Variants in OTOF observed in about 807,000 individuals in gnomAD.
OTOF encodes fer-1-like family member 2.
Under a neutral mutation model 236.8 loss-of-function variants are expected in OTOF, and 218 were observed. The observed-to-expected ratio is 0.92, with a 90% confidence interval of 0.82 to 1.03. The LOEUF (loss-of-function observed/expected upper bound fraction) is 1.03, where lower values mean the gene tolerates loss of function less well. OTOF is among the 50% of genes least tolerant of loss of function. The pLI is 0.00. For missense variants in OTOF, 2,590 were observed against 2,694.4 expected (o/e 0.96, Z 0.86); for synonymous variants, 1,041 against 1,072.5 (o/e 0.97, Z 0.57).
chr2:26,548,572 C>T (rs1043984485), intron 1 of OTOF, among the ~76,000 whole-genome samples: 2 of 152,164 alleles, frequency 1.3e-5, no homozygotes, highest in African/African-American at 4.8e-5. Flanking sequence ...ATTCATGCAC[C>T]ACATAACACC....
intron 1 of OTOF, among the ~76,000 whole-genome samples, chr2:26,554,684 G>A (rs1306816924): frequency 6.6e-6 from 1 of 151,888 alleles, no homozygotes. Flanking sequence ...TATGATCGAT[G>A]TCTCAAAGTT....
chr2:26,502,200 T>C (rs1666129591), intron 7 of OTOF, 100 bp downstream of exon 7: 3 of 1,306,146 alleles, frequency 2.3e-6, no homozygotes, highest in Non-Finnish European at 3.3e-6. Flanking sequence ...AAGCCGTCCA[T>C]GAGCCCTGAT....
In OTOF at chr2:26,464,850, G is replaced by A; in HGVS notation, c.4960+19C>T. ...CCCCCTGGAGAGGGGGCAGGCGGCTGCATCCAGTGCCCCATTACCGTTCTC... is the reference window on the plus strand; with the variant it reads ...CCCCCTGGAGAGGGGGCAGGCGGCTACATCCAGTGCCCCATTACCGTTCTC... On this transcript the variant is annotated intron_variant, in intron 39 of 46. Coordinates refer to ENST00000272371, the MANE Select transcript of OTOF (RefSeq NM_194248.3). 1 of 1,598,688 alleles carries A rather than the reference G, an allele frequency of 6.3e-7. No homozygotes were observed.
chr2:26,541,842 G>C (rs1264284100), intron 1 of OTOF, among the ~76,000 whole-genome samples: 1 of 152,194 alleles, frequency 6.6e-6, no homozygotes, highest in Non-Finnish European at 1.5e-5. Flanking sequence ...TGCATGGAAA[G>C]GCTGTTGTGG....
rs1165574806 is a variant in OTOF at position 26,477,489 on chromosome 2, G to T, written c.2333C>A (p.Ala778Asp). ...GGATGAGTGGCCCTGGTCCTTGTCAGCGAGGGAGAGGAAGCGGCTGGGGGT... is the reference window on the plus strand; with the variant it reads ...GGATGAGTGGCCCTGGTCCTTGTCATCGAGGGAGAGGAAGCGGCTGGGGGT... ...SCGCCRFLSL[A>D]DKDQGHSSRT... The change falls in exon 20 of 47, where the codon GCT becomes GAT. Residue 778 changes from alanine (A) to aspartate (D), a missense_variant. Physicochemically the swap from Ala to Asp is moderately radical, Grantham distance 126. Coordinates refer to ENST00000272371, the MANE Select transcript of OTOF (RefSeq NM_194248.3). This position sits in a 1 kb window ranked among gnomAD's most constrained non-coding sequence, Gnocchi z 4.7. The T allele has an allele frequency of 1.2e-6, 2 of 1,603,652 alleles. No homozygotes were observed. The highest frequency in any genetic ancestry group is 1.7e-6 in the Non-Finnish European group (2 of 1,175,896).
chr2:26,476,793 G>A (rs1665318348), intron 22 of OTOF, 98 bp downstream of exon 22: 2 of 1,089,588 alleles, frequency 1.8e-6, no homozygotes, highest in Non-Finnish European at 2.7e-6. Context: ...CCTGCTGCTT[G>A]AAGGCCCCAC....
rs144422709 is a variant in OTOF, at chr2:26,463,984, C to T, written c.5083G>A (p.Asp1695Asn). 108 of 1,613,802 alleles carry T rather than the reference C, an allele frequency of 6.7e-5. 1 individual carries two copies. The African/African-American group carries it at 9.5e-4, about 14-fold the overall frequency. Residue 1695 changes from aspartate (D) to asparagine (N), a missense_variant, in exon 40 of 47, where the codon GAC (aspartate) becomes AAC (asparagine). Physicochemically the swap from Asp to Asn is conservative, Grantham distance 23 (BLOSUM62 1). This residue lies in a region of OTOF where 1,211 missense variants were observed against 1,352.8 expected (regional missense o/e 0.90). Coordinates refer to ENST00000272371, the MANE Select transcript of OTOF (RefSeq NM_194248.3). ...HVETRPLLNPDKPGIEQGRLE... is the reference protein window; with the variant it reads ...HVETRPLLNPNKPGIEQGRLE... ...GTCACCTGCTCGATGCCCGGCTTGT[C>T]GGGGTTGAGCAGCGGCCTCGTCTCC...
chr2:26,466,716 G>A lies in OTOF; in HGVS notation c.4498C>T (p.Arg1500Trp), dbSNP rs751160022. ...AGGGAAAGCGACGGGAGTCTCACCCGGACCACATAGACTCGGACCAGCACA... is the reference window on the plus strand; with the variant it reads ...AGGGAAAGCGACGGGAGTCTCACCCAGACCACATAGACTCGGACCAGCACA... Reference protein sequence around the residue: ...INVLVRVYVVRATDLHPADIN... With the variant: ...INVLVRVYVVWATDLHPADIN... Residue 1500 changes from arginine (R) to tryptophan (W), a missense_variant and splice_region_variant, in exon 36 of 47, where the codon CGG (arginine) becomes TGG (tryptophan). Physicochemically the swap from Arg to Trp is moderately radical, Grantham distance 101 (BLOSUM62 -3). Transcript: ENST00000272371. 9.9e-6 allele frequency: 16 copies of A among 1,614,150 alleles called. No individual in the cohort carries two copies. Among genetic ancestry groups the A allele is most frequent in the East Asian group, 6.7e-5 (3 of 44,878 alleles).
At position 26,558,644 on chromosome 2, in the gene OTOF, C is replaced by T. The variant is rs550236431; in HGVS notation, c.-73G>A. 1,094 of 1,291,012 alleles carry T rather than the reference C, an allele frequency of 8.5e-4. 15 individuals carry two copies. In the South Asian group the frequency reaches 0.012, roughly 15 times the overall value. 80.0% of individuals were successfully genotyped at this position (1,291,012 alleles called of 1,614,324 possible). On this transcript the variant is annotated 5_prime_UTR_variant, in exon 1 of 47. The change creates a new upstream start codon in the 5' untranslated region. Coordinates refer to ENST00000272371, the MANE Select transcript of OTOF (RefSeq NM_194248.3). ...GCTAGCCGGTGGAGCACGGCTCACA[C>T]GCCTCTCTCTTCTCTGCCGCTGCCT... is the stretch of plus-strand genomic sequence containing the variant.
In OTOF at chr2:26,479,382, T is replaced by C; in HGVS notation, c.2096A>G (p.Asn699Ser). The C allele has an allele frequency of 6.2e-7, 1 of 1,612,642 alleles. No individual in the cohort carries two copies. Among genetic ancestry groups the C allele is most frequent in the Non-Finnish European group, 8.5e-7 (1 of 1,179,920 alleles). ...CTCCAGGTAGGGCAGATGGAAGTAG[T>C]TCCTGGGGTGGGCAGAGGCGGGAGG... ...PPMRPQVTDR[N>S]YFHLPYLERK... Residue 699 changes from asparagine (N) to serine (S), a missense_variant and splice_region_variant, in exon 18 of 47, where the codon AAC (asparagine) becomes AGC (serine). By Grantham distance (46) the Asn-to-Ser change is conservative. Coordinates refer to ENST00000272371, the MANE Select transcript of OTOF (RefSeq NM_194248.3).
chr2:26,484,352 A>G lies in OTOF; in HGVS notation c.1205+122T>C, dbSNP rs939026604. 5.9e-6 allele frequency: 6 copies of G among 1,019,288 alleles called. No individual in the cohort carries two copies. In the African/African-American group the frequency reaches 7.9e-5, roughly 13 times the overall value. 63.1% of individuals were successfully genotyped at this position (1,019,288 alleles called of 1,614,324 possible). A position where few individuals can be genotyped will look rare whatever the true frequency, so the allele number is the denominator to read the frequency against. ...TCGGAAGAGTGGGGCTGCTTGGGAGAGTGAGCGAGAGCAGGGTGAGGGAGA... is the reference window on the plus strand; with the variant it reads ...TCGGAAGAGTGGGGCTGCTTGGGAGGGTGAGCGAGAGCAGGGTGAGGGAGA... On this transcript the variant is annotated intron_variant, in intron 12 of 46. Coordinates refer to ENST00000272371, the MANE Select transcript of OTOF (RefSeq NM_194248.3).
At chr2:26,531,973 A>C (rs111633565) in intron 2 of OTOF, among the ~76,000 whole-genome samples, 2,793 of 151,796 alleles carry the variant, frequency 0.018, 74 homozygotes, top group African/African-American at 0.057. Flanking sequence ...CATGCCTGTA[A>C]TCTCAGCTAC....
At chr2:26,526,690 T>C (rs1464760227) in intron 3 of OTOF, among the ~76,000 whole-genome samples, 2 of 152,202 alleles carry the variant, frequency 1.3e-5, no homozygotes, top group Non-Finnish European at 2.9e-5. Flanking sequence ...CCTGCTCAGA[T>C]CAGGAGTGCT....
Position 26,477,694 on chromosome 2 carries a change from T to C in OTOF, c.2270A>G (p.Glu757Gly). The C allele has an allele frequency of 6.2e-7, 1 of 1,612,540 alleles. No individual in the cohort carries two copies. Among genetic ancestry groups the C allele is most frequent in the Non-Finnish European group, 8.5e-7 (1 of 1,179,966 alleles). The change falls in exon 19 of 47, where the codon GAG becomes GGG. Residue 757 changes from glutamate to glycine, a missense_variant. Glu to Gly is a moderately conservative substitution (Grantham distance 98, BLOSUM62 -2). Around this residue, in one of 2 missense-constraint regions of OTOF, gnomAD observed 1,379 missense variants for 1,341.6 expected, o/e 1.03. Coordinates refer to ENST00000272371, the MANE Select transcript of OTOF (RefSeq NM_194248.3). The surrounding 1 kb of genome is among the most constrained non-coding windows in gnomAD (Gnocchi z 4.7). ...EMIKTEKSYP[E>G]RRLRGVLEEL... is the part of the protein sequence containing the mutation. ...CTCCAGGACGCCCCGCAGGCGACGC[T>C]CAGGGTAGGACTTCTCCGTTTTGAT...
At chr2:26,538,360 T>C (rs1667127418) in intron 1 of OTOF, among the ~76,000 whole-genome samples, 1 of 152,252 alleles carries the variant, frequency 6.6e-6, no homozygotes, top group South Asian at 2.1e-4. Context: ...CGTCTTCCTG[T>C]CAGCCTTAGC....
intron 6 of OTOF, 52 bp from the exon 7 acceptor site, chr2:26,502,478 A>G: frequency 6.3e-7 from 1 of 1,580,102 alleles, no homozygotes; most frequent in Non-Finnish European, 8.6e-7. Context: ...TGAGATAGTG[A>G]CCATTTCTCC....
chr2:26,481,584 CTT>C (rs1054100769), intron 14 of OTOF, among the ~76,000 whole-genome samples: 107 of 152,302 alleles, frequency 7.0e-4, no homozygotes, highest in African/African-American at 2.4e-3. Flanking sequence ...AAAAAACACA[CTT>C]ATAGCATTTT....
At chr2:26,492,158 T>G (rs1665864866) in intron 9 of OTOF, among the ~76,000 whole-genome samples, 1 of 152,190 alleles carries the variant, frequency 6.6e-6, no homozygotes, top group Non-Finnish European at 1.5e-5. Context: ...CATAGTAAGA[T>G]AGTTTAGAAT....
chr2:26,557,726 C>A (rs1667628767), intron 1 of OTOF, among the ~76,000 whole-genome samples: 1 of 151,702 alleles, frequency 6.6e-6, no homozygotes. Context: ...CTTCCCTGAC[C>A]ACCGGTCACC....
Sources: gnomAD v4.1 joint callset for allele counts (sites outside exome capture counted in the v4.1 genomes callset) on GRCh38, gnomAD v4.1.1 for gene constraint, gnomAD v4.1.1 regional missense constraint, Gnocchi (gnomAD v3.1) non-coding constraint, MANE v1.5 for transcripts, NCBI Gene and HGNC (gene_info 2026-07-23, HGNC 2026-07-21) for gene names.